DOCK3: variants seen among roughly 807,000 people sequenced by gnomAD.
DOCK3 encodes dedicator of cytokinesis protein 3.
In DOCK3, 60 loss-of-function variants were observed where a neutral mutation model predicts 265.6. The ratio of observed to expected loss-of-function variants is 0.23; its 90% CI spans 0.18 to 0.28. DOCK3 has a LOEUF of 0.28. Ranked by LOEUF, DOCK3 falls within the 10% of genes least tolerant of loss-of-function variation. The pLI is 1.00. For synonymous variants in DOCK3, 881 were observed against 938.0 expected (o/e 0.94, Z 1.11); for missense variants, 1,981 against 2,594.3 (o/e 0.76, Z 5.14).
chr3:51,379,540 C>T (rs1426056191), intron 51 of DOCK3: 9 of 985,464 alleles, frequency 9.1e-6, no homozygotes, highest in Non-Finnish European at 1.1e-5. Context: ...GCATCCTGGC[C>T]CCCCCAGTGC....
At chr3:50,912,623 T>G (rs2049917903) in intron 4 of DOCK3, among the ~76,000 whole-genome samples, 1 of 152,104 alleles carries the variant, frequency 6.6e-6, no homozygotes, top group Non-Finnish European at 1.5e-5. Context: ...TGTTCTATTG[T>G]GCTATGTAGT....
intron 6 of DOCK3, among the ~76,000 whole-genome samples, chr3:51,073,249 T>C (rs1047095379): frequency 3.3e-5 from 5 of 152,242 alleles, no homozygotes; most frequent in Non-Finnish European, 5.9e-5. Flanking sequence ...TCTTGTGATC[T>C]TTCCATTGTT....
At chr3:50,867,163 A>G (rs921507270) in intron 3 of DOCK3, among the ~76,000 whole-genome samples, 1 of 152,098 alleles carries the variant, frequency 6.6e-6, no homozygotes, top group Non-Finnish European at 1.5e-5. Flanking sequence ...TGGTTACCTC[A>G]TAGATTTAAT....
chr3:51,026,794 G>A (rs1036983215), intron 5 of DOCK3, among the ~76,000 whole-genome samples: 23 of 151,856 alleles, frequency 1.5e-4, no homozygotes, highest in African/African-American at 5.1e-4. Context: ...GTTATCTCTG[G>A]GAATCTTTTG....
At chr3:51,332,022 C>T (rs1221918127) in intron 33 of DOCK3, among the ~76,000 whole-genome samples, 1 of 152,164 alleles carries the variant, frequency 6.6e-6, no homozygotes, top group African/African-American at 2.4e-5. Context: ...CCTGGAAAAC[C>T]CTCACTTTCT....
In DOCK3 at chr3:51,289,599, C is replaced by A. The variant is rs78313634; in HGVS notation, c.2922+9395C>A. Among the ~76,000 whole-genome samples the A allele has an allele frequency of 6.1e-3, 919 of 151,814 alleles. 5 individuals are homozygous for A. Among genetic ancestry groups the A allele is most frequent in the African/African-American group, 0.019 (781 of 41,466 alleles). ...ACTTTGAATGTAAATAGATTAAATT[C>A]TCCAATCAAAAGACGTGGAGTTCCT... is the stretch of plus-strand genomic sequence containing the variant. On this transcript the variant is annotated intron_variant, in intron 27 of 52. Transcript: ENST00000266037.
intron 7 of DOCK3, among the ~76,000 whole-genome samples, chr3:51,080,231 T>C (rs1207507131): frequency 6.6e-6 from 1 of 152,240 alleles, no homozygotes; most frequent in Non-Finnish European, 1.5e-5. Context: ...TGCTAGACTT[T>C]TGTAGACCAA....
chr3:51,269,972 C>T (rs898728932), intron 23 of DOCK3, among the ~76,000 whole-genome samples: 3 of 152,168 alleles, frequency 2.0e-5, no homozygotes, highest in African/African-American at 2.4e-5. Context: ...GATTTGAACT[C>T]GTGTCTAATT....
intron 2 of DOCK3, chr3:50,788,100 C>G: frequency 1.3e-6 from 1 of 756,392 alleles, no homozygotes; most frequent in Non-Finnish European, 2.2e-6. Flanking sequence ...TTGGTGTCCA[C>G]AAACACAGAA....
intron 1 of DOCK3, among the ~76,000 whole-genome samples, chr3:50,679,223 C>T (rs547254392): frequency 2.0e-4 from 30 of 152,262 alleles, no homozygotes; most frequent in Middle Eastern, 3.4e-3. Context: ...ATCCTCCCAC[C>T]TCAGCCTCCC....
intron 1 of DOCK3, among the ~76,000 whole-genome samples, chr3:50,727,851 C>T (rs2037929431): frequency 6.6e-6 from 1 of 152,138 alleles, no homozygotes; most frequent in Non-Finnish European, 1.5e-5. Context: ...ATAGACACAT[C>T]TATAATAATA....
At chr3:51,222,433 A>C (rs751878891) in intron 14 of DOCK3, among the ~76,000 whole-genome samples, 26 of 152,338 alleles carry the variant, frequency 1.7e-4, no homozygotes, top group Non-Finnish European at 2.8e-4. Flanking sequence ...GCTTCTGCTT[A>C]TGCTTTCTCC....
chr3:50,895,822 A>G (rs1306127648), intron 4 of DOCK3, among the ~76,000 whole-genome samples: 1 of 152,052 alleles, frequency 6.6e-6, no homozygotes, highest in Non-Finnish European at 1.5e-5. Context: ...AGCTTCATCT[A>G]TGTTGCTGCA....
intron 1 of DOCK3, among the ~76,000 whole-genome samples, chr3:50,756,228 A>G (rs927074635): frequency 3.3e-5 from 5 of 152,152 alleles, no homozygotes; most frequent in African/African-American, 7.2e-5. Flanking sequence ...TCCCTTACCA[A>G]TAGAGTGTTT....
At chr3:50,803,984 A>C (rs1300424064) in intron 2 of DOCK3, among the ~76,000 whole-genome samples, 1 of 133,786 alleles carries the variant, frequency 7.5e-6, no homozygotes, top group African/African-American at 2.8e-5. Context: ...CTTCTCAGAC[A>C]GGGCGGCCGG....
At chr3:51,250,861 T>C (rs897596280) in intron 22 of DOCK3, among the ~76,000 whole-genome samples, 1 of 152,178 alleles carries the variant, frequency 6.6e-6, no homozygotes, top group African/African-American at 2.4e-5. Flanking sequence ...TTTGCTTTTG[T>C]TTTTGTTTTT....
intron 3 of DOCK3, among the ~76,000 whole-genome samples, chr3:50,860,552 G>A (rs536312326): frequency 1.3e-5 from 2 of 152,194 alleles, no homozygotes; most frequent in East Asian, 1.9e-4. Flanking sequence ...TGGAGACCAC[G>A]GTTGAGAGGT....
At chr3:50,802,155 A>G (rs903307011) in intron 2 of DOCK3, among the ~76,000 whole-genome samples, 6 of 152,078 alleles carry the variant, frequency 3.9e-5, no homozygotes, top group African/African-American at 9.7e-5. Flanking sequence ...CAACCTATCT[A>G]TGTCTTCTAA....
At chr3:51,360,263 T>C (rs116375821) in intron 46 of DOCK3, among the ~76,000 whole-genome samples, 3 of 152,240 alleles carry the variant, frequency 2.0e-5, no homozygotes, top group African/African-American at 7.2e-5. Context: ...CCAGATGTGC[T>C]TCTCTTAATG....
Sources: gnomAD v4.1 joint callset for allele counts (sites outside exome capture counted in the v4.1 genomes callset) on GRCh38, gnomAD v4.1.1 for gene constraint, MANE v1.5 for transcripts, NCBI Gene and HGNC (gene_info 2026-07-23, HGNC 2026-07-21) for gene names.